Variants in SDK1 observed in about 807,000 individuals in gnomAD.
SDK1 encodes protein sidekick-1.
A neutral mutation model predicts 245.5 loss-of-function variants in SDK1; 157 were observed. The ratio of observed to expected loss-of-function variants is 0.64; its 90% confidence interval spans 0.56 to 0.73. SDK1 has a LOEUF of 0.73. SDK1 is among the 30% of genes least tolerant of loss of function. The pLI is 0.00. For synonymous variants in SDK1, 1,647 were observed against 1,278.5 expected (o/e 1.29, Z -6.15); for missense variants, 3,583 against 3,002.3 (o/e 1.19, Z -4.52).
At chr7:3,464,696 ATG>A (rs1554275276) in intron 1 of SDK1, among the ~76,000 whole-genome samples, 1 of 135,112 alleles carries the variant, frequency 7.4e-6, no homozygotes, top group South Asian at 2.3e-4. Flanking sequence ...TTGTGTATGT[ATG>A]TATATATATA....
chr7:4,036,800 C>T (rs1168884431), intron 17 of SDK1, among the ~76,000 whole-genome samples: 2 of 152,188 alleles, frequency 1.3e-5, no homozygotes, highest in African/African-American at 4.8e-5. Context: ...CCTCACCAGA[C>T]ACTGAATCTG....
chr7:3,951,170 A>G (rs1780803272), intron 6 of SDK1, 136 bp downstream of exon 6: 3 of 664,302 alleles, frequency 4.5e-6, no homozygotes, highest in Admixed American at 2.3e-5. Flanking sequence ...TGGGCCATGA[A>G]TACGAGATAT....
chr7:3,465,265 C>T (rs896594403), intron 1 of SDK1, among the ~76,000 whole-genome samples: 2 of 152,100 alleles, frequency 1.3e-5, no homozygotes, highest in East Asian at 3.9e-4. Context: ...CCAACTGCGA[C>T]AATGAATGGT....
At position 4,077,048 on chromosome 7, in the gene SDK1, C is replaced by T. The variant is rs1780729015; in HGVS notation, c.3061C>T (p.His1021Tyr). 1 of 1,614,104 alleles carries T rather than the reference C, an allele frequency of 6.2e-7. No homozygotes were observed. Among genetic ancestry groups the T allele is most frequent in the South Asian group, 1.1e-5 (1 of 91,090 alleles). ...VYGRNDSRLT[H>Y]TLNSTTHEYK... ...CGGCAGGAACGACTCTCGTCTCACG[C>T]ACACCCTGAACAGCACGACGCACGA... Residue 1021 changes from histidine to tyrosine, a missense_variant, in exon 21 of 45, where the codon CAC becomes TAC. Physicochemically the swap from His to Tyr is moderately conservative, Grantham distance 83 (BLOSUM62 2). Transcript: ENST00000404826.
chr7:3,606,901 T>G (rs985746200), intron 1 of SDK1, among the ~76,000 whole-genome samples: 4 of 152,204 alleles, frequency 2.6e-5, no homozygotes, highest in Non-Finnish European at 4.4e-5. Context: ...AAAAAAGTTA[T>G]GTACAACACT....
intron 1 of SDK1, among the ~76,000 whole-genome samples, chr7:3,502,551 G>C (rs1441982257): frequency 6.6e-6 from 1 of 152,056 alleles, no homozygotes; most frequent in Non-Finnish European, 1.5e-5. Flanking sequence ...TCCCAGCCAG[G>C]ATGATTTATT....
Position 4,182,662 on chromosome 7 carries a change from G to A in SDK1, c.5098+4076G>A, listed in dbSNP as rs551260635. 4.6e-5 allele frequency among the ~76,000 whole-genome samples: 7 copies of A among 152,332 alleles called. No individual in the cohort carries two copies. The East Asian group carries it at 1.4e-3, about 29-fold the overall frequency. ...ACCTATGGTCTCTGTCCCTGTAACA[G>A]CAGATAACACAGTCACCATCTGCCG... On this transcript the variant is annotated intron_variant, in intron 35 of 44. Transcript: ENST00000404826.
intron 1 of SDK1, among the ~76,000 whole-genome samples, chr7:3,527,730 G>A (rs1304616386): frequency 2.6e-5 from 4 of 151,552 alleles, no homozygotes; most frequent in Admixed American, 1.3e-4. Context: ...GTGAGTGGTA[G>A]GAGGTAAGGT....
Position 3,681,940 on chromosome 7 carries a change from G to A in SDK1, c.713+39835G>A, listed in dbSNP as rs115099283. Among the ~76,000 whole-genome samples, 1,270 of 152,120 alleles carry A rather than the reference G, an allele frequency of 8.3e-3. 20 individuals are homozygous for A. Among genetic ancestry groups the A allele is most frequent in the African/African-American group, 0.029 (1,203 of 41,490 alleles). ...TTATACAGTCCCTATACTGTATGTAGCCCAGTATCACAAGAATGGTCTCTG... is the reference window on the plus strand; with the variant it reads ...TTATACAGTCCCTATACTGTATGTAACCCAGTATCACAAGAATGGTCTCTG... On this transcript the variant is annotated intron_variant, in intron 4 of 44. Coordinates refer to ENST00000404826, the MANE Select transcript of SDK1 (RefSeq NM_152744.4).
chr7:3,321,710 CCCTCCCT>C (rs1384674930), intron 1 of SDK1, among the ~76,000 whole-genome samples: 2 of 50,610 alleles, frequency 4.0e-5, no homozygotes, highest in Admixed American at 1.6e-4. Flanking sequence ...CTCCTCCTCC[CCCTCCCT>C]CTCCCCTCTC....
At chr7:3,556,267 A>T (rs1006442399) in intron 1 of SDK1, among the ~76,000 whole-genome samples, 7 of 152,136 alleles carry the variant, frequency 4.6e-5, no homozygotes, top group Non-Finnish European at 8.8e-5. Context: ...ATTTGCAACA[A>T]CACTCGTTTT....
At chr7:3,883,287 G>A (rs909644280) in intron 5 of SDK1, among the ~76,000 whole-genome samples, 5 of 152,190 alleles carry the variant, frequency 3.3e-5, no homozygotes, top group Admixed American at 2.6e-4. Flanking sequence ...AAAGCTTAAG[G>A]CCTTGTATAT....
At chr7:4,091,334 CTTTTTTTTTT>C (rs61065472) in intron 22 of SDK1, among the ~76,000 whole-genome samples, 1 of 108,260 alleles carries the variant, frequency 9.2e-6, no homozygotes, top group Admixed American at 9.8e-5. Flanking sequence ...CTTTTCTTTT[CTTTTTTTTTT>C]TTTTTTTTTT....
intron 1 of SDK1, among the ~76,000 whole-genome samples, chr7:3,569,027 A>T (rs1780019718): frequency 6.8e-6 from 1 of 147,754 alleles, no homozygotes; most frequent in African/African-American, 2.5e-5. Context: ...TTTTCTAGTA[A>T]CTCATTACCA....
intron 22 of SDK1, among the ~76,000 whole-genome samples, chr7:4,107,245 T>C (rs1782993337): frequency 6.6e-6 from 1 of 151,296 alleles, no homozygotes; most frequent in Non-Finnish European, 1.5e-5. Context: ...GCTTGGGGTC[T>C]TGAGAGTAAG....
In SDK1 at chr7:4,016,374, C is replaced by G. The variant is rs542010673; in HGVS notation, c.2421-797C>G. On this transcript the variant is annotated intron_variant, in intron 16 of 44. Transcript: ENST00000404826. ...CCTGGCTTTACCCAGAGGGGCTGAT[C>G]CAGGAAAGCTCAATAAATTACCTGA... is the stretch of plus-strand genomic sequence containing the variant. Among the ~76,000 whole-genome samples the G allele has an allele frequency of 3.9e-5, 6 of 152,296 alleles. No homozygotes were observed. In the South Asian group the frequency reaches 1.2e-3, roughly 32 times the overall value.
chr7:3,626,859 A>G (rs1782138757), intron 2 of SDK1, among the ~76,000 whole-genome samples: 1 of 152,178 alleles, frequency 6.6e-6, no homozygotes, highest in East Asian at 1.9e-4. Context: ...AAAAGAGCCT[A>G]AAGTTGGGAA....
At chr7:3,889,763 C>G (rs1781415597) in intron 5 of SDK1, among the ~76,000 whole-genome samples, 1 of 152,200 alleles carries the variant, frequency 6.6e-6, no homozygotes, top group Admixed American at 6.5e-5. Flanking sequence ...CCTCCTCGAC[C>G]TCCCAAAGTG....
intron 5 of SDK1, among the ~76,000 whole-genome samples, chr7:3,930,617 A>T (rs576340445): frequency 6.8e-4 from 104 of 152,302 alleles, no homozygotes; most frequent in Non-Finnish European, 1.4e-3. Flanking sequence ...GAAATTAATT[A>T]ATCAGAAAGG....
Sources: allele counts gnomAD v4.1 joint callset (sites outside exome capture counted in the v4.1 genomes callset), GRCh38; gene constraint gnomAD v4.1.1; transcripts MANE v1.5; gene names NCBI Gene and HGNC (gene_info 2026-07-23, HGNC 2026-07-21).